Variants in TOP2B observed in about 807,000 individuals in gnomAD.
TOP2B encodes DNA topoisomerase 2-beta.
TOP2B carries 51 observed loss-of-function variants against 193.5 expected under a neutral mutation model. The observed-to-expected ratio is 0.26, with a 90% CI of 0.21 to 0.33. TOP2B has a LOEUF of 0.33. Ranked by LOEUF, TOP2B falls within the 10% of genes least tolerant of loss-of-function variation. The probability of loss-of-function intolerance (pLI) is 1.00; values close to 1 mark genes in which losing one functional copy is unlikely to be tolerated. For synonymous variants in TOP2B, 634 were observed against 635.7 expected, an observed-to-expected ratio of 1.00 and a Z score of 0.04; for missense variants, 1,378 against 1,909.3, an observed-to-expected ratio of 0.72 and a Z score of 5.19.
rs1268158871 is a variant in TOP2B at position 25,615,414 on chromosome 3, C to T, written c.3507+17G>A. ...ACTGAAATAGTTTCAAACTATTTAA[C>T]CCACAAAAGTTCATACTTTTGCATC... On this transcript the variant is annotated intron_variant, in intron 26 of 35. Coordinates refer to ENST00000264331, the MANE Select transcript of TOP2B (RefSeq NM_001330700.2). 6.5e-7 allele frequency: 1 copy of T among 1,536,066 alleles called. No individual in the cohort carries two copies. The highest frequency in any genetic ancestry group is 8.7e-7 in the Non-Finnish European group (1 of 1,144,760).
chr3:25,638,314 TAAAAAAAAAAAAAAAAAAAA>T lies in TOP2B; in HGVS notation c.396-24_396-5del, dbSNP rs56986587. ...AATGCTTATAATGTTAGATTCACTG[TAAAAAAAAAAAAAAAAAAAA>T]AAAAAAAAAAAAAAAAAAGCAGAAT... is the stretch of plus-strand genomic sequence containing the variant. On this transcript the variant is annotated splice_region_variant and splice_polypyrimidine_tract_variant and intron_variant, in intron 4 of 35. Transcript: ENST00000264331. The T allele has an allele frequency of 5.1e-3, 671 of 131,838 alleles. 3 individuals carry two copies. In the East Asian group the frequency reaches 0.061, roughly 12 times the overall value. 8.2% of individuals were successfully genotyped at this position (131,838 alleles called of 1,614,324 possible). A position where few individuals can be genotyped will look rare whatever the true frequency, so the allele number is the denominator to read the frequency against.
At chr3:25,641,623 ATTATAGTTTTATTATAC>A (rs1462314455) in intron 4 of TOP2B, among the ~76,000 whole-genome samples, 1 of 152,108 alleles carries the variant, frequency 6.6e-6, no homozygotes, top group Non-Finnish European at 1.5e-5. Flanking sequence ...CCAAATACAA[ATTATAGTTTTATTATAC>A]TACTAATCTT....
Position 25,636,125 on chromosome 3 carries a change from C to A in TOP2B, c.663G>T (p.Lys221Asn). 1.3e-6 allele frequency: 2 copies of A among 1,594,076 alleles called. No individual in the cohort carries two copies. Among genetic ancestry groups the A allele is most frequent in the South Asian group, 2.3e-5 (2 of 88,768 alleles). ...AATGTTTAATTTTGGCTTCAGAAGT[C>A]TTCATCATATTATTCATCCATGTCT... ...FKQTWMNNMM[K>N]TSEAKIKHFD... Residue 221 changes from lysine to asparagine, a missense_variant, in exon 7 of 36, where the codon AAG becomes AAT. Around this residue, in one of 9 missense-constraint regions of TOP2B, gnomAD observed 222 missense variants for 306.6 expected, o/e 0.72. Transcript: ENST00000264331.
At chr3:25,617,036 G>A (rs1029632343) in intron 25 of TOP2B, among the ~76,000 whole-genome samples, 2 of 151,940 alleles carry the variant, frequency 1.3e-5, no homozygotes, top group East Asian at 1.9e-4. Flanking sequence ...TTTGTTACCT[G>A]AACTCCCCAA....
chr3:25,652,232 C>T (rs1385264049), intron 1 of TOP2B, among the ~76,000 whole-genome samples: 4 of 152,142 alleles, frequency 2.6e-5, no homozygotes. Flanking sequence ...TAGTAGGAGA[C>T]TTCACTAGCC....
chr3:25,615,628 A>T, intron 25 of TOP2B, 42 bp from the exon 26 acceptor site: 1 of 1,353,370 alleles, frequency 7.4e-7, no homozygotes, highest in Non-Finnish European at 9.6e-7. Flanking sequence ...CTTGTATAGT[A>T]TCAAATTAAT....
rs752554455 is a variant in TOP2B at position 25,624,457 on chromosome 3, A to G, written c.2347-12T>C. 1 of 1,609,766 alleles carries G rather than the reference A, an allele frequency of 6.2e-7. No homozygotes were observed. Among genetic ancestry groups the G allele is most frequent in the South Asian group, 1.1e-5 (1 of 89,956 alleles). ...ATCATCAATGCTTGCTATACAACAG[A>G]AGAAGGCAGAACATAACATTAATAT... On this transcript the variant is annotated splice_polypyrimidine_tract_variant and intron_variant, in intron 19 of 35. Coordinates refer to ENST00000264331, the MANE Select transcript of TOP2B (RefSeq NM_001330700.2).
At chr3:25,628,171 TAAAAAAAA>T (rs11444499) in intron 15 of TOP2B, among the ~76,000 whole-genome samples, 24 of 130,152 alleles carry the variant, frequency 1.8e-4, no homozygotes, top group Non-Finnish European at 3.5e-4. Context: ...TAACATTATT[TAAAAAAAA>T]AAAAAAAAAA....
rs115523430 is a variant in TOP2B at position 25,655,135 on chromosome 3, A to G, written c.69+9094T>C. 4.2e-3 allele frequency among the ~76,000 whole-genome samples: 634 copies of G among 152,320 alleles called. 8 individuals carry two copies. The highest frequency in any genetic ancestry group is 6.2e-3 in the Non-Finnish European group (424 of 68,020). On this transcript the variant is annotated intron_variant, in intron 1 of 35. Coordinates refer to ENST00000264331, the MANE Select transcript of TOP2B (RefSeq NM_001330700.2). ...AAAGGCAGCGTATGGAATGGAGAAA[A>G]TATCTGTAAACCATCAAATGGTTAA...
intron 1 of TOP2B, among the ~76,000 whole-genome samples, chr3:25,662,330 C>G (rs1264711745): frequency 2.0e-5 from 3 of 152,156 alleles, no homozygotes; most frequent in Non-Finnish European, 2.9e-5. Context: ...TAAAATCAAA[C>G]CAGTCTATAT....
Position 25,623,694 on chromosome 3 carries a change from G to C in TOP2B, c.2548C>G (p.Leu850Val). 1 of 1,613,774 alleles carries C rather than the reference G, an allele frequency of 6.2e-7. No individual in the cohort carries two copies. The highest frequency in any genetic ancestry group is 8.5e-7 in the Non-Finnish European group (1 of 1,179,802). ...PAVDDNLLKF[L>V]YDDNQRVEPE... The stretch of plus-strand genomic sequence containing the variant: ...TCTACACGTTGATTATCATCATAAA[G>C]GAACTTAAGGAGGTTGTCATCCACA... Residue 850 changes from leucine to valine, a missense_variant, in exon 21 of 36, where the codon CTT (leucine) becomes GTT (valine). Transcript: ENST00000264331.
chr3:25,607,776 G>A lies in TOP2B; in HGVS notation c.4094-401C>T, dbSNP rs1040677382. Reference sequence around the variant, plus strand: ...AACAAATTTTACAGTTATTTTAAAAGTGCTAAACTTTCTTGTTTTTTTGAC... The same window carrying A: ...AACAAATTTTACAGTTATTTTAAAAATGCTAAACTTTCTTGTTTTTTTGAC... On this transcript the variant is annotated intron_variant, in intron 30 of 35. Transcript: ENST00000264331. 4.6e-5 allele frequency among the ~76,000 whole-genome samples: 7 copies of A among 152,132 alleles called. No individual in the cohort carries two copies. In the South Asian group the frequency reaches 1.2e-3, roughly 27 times the overall value.
At position 25,612,648 on chromosome 3, in the gene TOP2B, C is replaced by T; in HGVS notation, c.3653G>A (p.Gly1218Asp). 1 of 1,613,656 alleles carries T rather than the reference C, an allele frequency of 6.2e-7. No homozygotes were observed. The highest frequency in any genetic ancestry group is 8.5e-7 in the Non-Finnish European group (1 of 1,179,716). The change falls in exon 28 of 36, where the codon GGT (glycine) becomes GAT (aspartate). Residue 1218 changes from glycine to aspartate, a missense_variant. By Grantham distance (94) the Gly-to-Asp change is moderately conservative. Transcript: ENST00000264331. ...CTTCACCTTAGGTTTGCCAACTTTA[C>T]CTTTAATTGCTTTTCCAGACATTCC... ...LAGMSGKAIK[G>D]KVGKPKVKKL...
intron 6 of TOP2B, among the ~76,000 whole-genome samples, chr3:25,636,539 G>C (rs1703111380): frequency 6.6e-6 from 1 of 151,982 alleles, no homozygotes; most frequent in Non-Finnish European, 1.5e-5. Flanking sequence ...TAAGGGACTT[G>C]ATCCTCCTCT....
Position 25,651,938 on chromosome 3 carries a change from A to C in TOP2B, c.70-6468T>G, listed in dbSNP as rs553628418. Among the ~76,000 whole-genome samples, 8 of 152,234 alleles carry C rather than the reference A, an allele frequency of 5.3e-5. No homozygotes were observed. The South Asian group carries it at 1.0e-3, about 20-fold the overall frequency. Reference sequence around the variant, plus strand: ...CAATGGAATAAAAAAATAAGATCCAACTACAGGTTGTTTACAAGACATCTG... The same window carrying C: ...CAATGGAATAAAAAAATAAGATCCACCTACAGGTTGTTTACAAGACATCTG... On this transcript the variant is annotated intron_variant, in intron 1 of 35. Transcript: ENST00000264331.
chr3:25,604,672 A>C, intron 33 of TOP2B, 88 bp downstream of exon 33: 2 of 1,126,550 alleles, frequency 1.8e-6, no homozygotes, highest in South Asian at 2.8e-5. Flanking sequence ...ATGATAAAAA[A>C]ATGCAAATAG....
At chr3:25,605,991 C>T in intron 32 of TOP2B, 52 bp downstream of exon 32, 1 of 1,024,564 alleles carries the variant, frequency 9.8e-7, no homozygotes, top group Non-Finnish European at 1.3e-6. Flanking sequence ...GTTTTCTCTC[C>T]ACCACTAAAA....
At position 25,598,200 on chromosome 3, in the gene TOP2B, A is replaced by G; in HGVS notation, c.*107T>C. On this transcript the variant is annotated 3_prime_UTR_variant, in exon 36 of 36. Coordinates refer to ENST00000264331, the MANE Select transcript of TOP2B (RefSeq NM_001330700.2). Reference sequence around the variant, plus strand: ...CTACCACAATAATAAAAAACCGTCAATTACATCATCACATTAAAATAAGCC... The same window carrying G: ...CTACCACAATAATAAAAAACCGTCAGTTACATCATCACATTAAAATAAGCC... The G allele has an allele frequency of 8.2e-7, 1 of 1,216,582 alleles. No individual in the cohort carries two copies. The allele number at this position is 1,216,582 out of a possible 1,614,324, so 75.4% of individuals were successfully genotyped here.
At chr3:25,615,609 T>A (rs1384151827) in intron 25 of TOP2B, 23 bp from the exon 26 acceptor site, 4 of 1,497,330 alleles carry the variant, frequency 2.7e-6, no homozygotes, top group Middle Eastern at 1.8e-4. Context: ...ACAAACTGTA[T>A]ATTAAAGTCT....
Sources: gnomAD v4.1 joint callset for allele counts (sites outside exome capture counted in the v4.1 genomes callset) on GRCh38, gnomAD v4.1.1 for gene constraint, gnomAD v4.1.1 regional missense constraint, MANE v1.5 for transcripts, NCBI Gene and HGNC (gene_info 2026-07-23, HGNC 2026-07-21) for gene names.